The following ABCC4 variants were observed in gnomAD, a reference collection of about 807,000 sequenced individuals.
ABCC4 encodes ATP-binding cassette sub-family C member 4.
A neutral mutation model predicts 168.5 loss-of-function variants in ABCC4; 102 were observed. That is an observed-to-expected ratio of 0.61 (90% CI 0.52 to 0.71). The LOEUF is 0.71. ABCC4 is among the 30% of genes least tolerant of loss of function. The pLI is 0.00. For synonymous variants in ABCC4, 617 were observed against 590.7 expected, an observed-to-expected ratio of 1.04 and a Z score of -0.65; for missense variants, 1,402 against 1,605.8, an observed-to-expected ratio of 0.87 and a Z score of 2.17.
chr13:95,178,577 C>T (rs1336615101), intron 11 of ABCC4, among the ~76,000 whole-genome samples: 1 of 152,182 alleles, frequency 6.6e-6, no homozygotes, highest in Non-Finnish European at 1.5e-5. Context: ...AGGGGATGGA[C>T]TGGCTGGCAC....
chr13:95,265,281 G>GGACTCAA (rs2040639402), intron 1 of ABCC4, among the ~76,000 whole-genome samples: 1 of 152,122 alleles, frequency 6.6e-6, no homozygotes, highest in Admixed American at 6.5e-5. Flanking sequence ...AGGATATACA[G>GGACTCAA]GAGTGGTATG....
chr13:95,138,373 G>C (rs2036205543), intron 19 of ABCC4, among the ~76,000 whole-genome samples: 1 of 152,040 alleles, frequency 6.6e-6, no homozygotes, highest in Admixed American at 6.6e-5. Context: ...CTTGGAACAG[G>C]AACAAACAGT....
intron 10 of ABCC4, among the ~76,000 whole-genome samples, chr13:95,187,475 C>G (rs1389267197): frequency 6.6e-6 from 1 of 152,016 alleles, no homozygotes; most frequent in Non-Finnish European, 1.5e-5. Flanking sequence ...CATGGTGGCA[C>G]GCCTGTAATC....
chr13:95,247,174 T>TA, intron 2 of ABCC4, 79 bp from the exon 3 acceptor site: 3 of 1,488,914 alleles, frequency 2.0e-6, no homozygotes, highest in Non-Finnish European at 1.8e-6. Flanking sequence ...GAGTGACAGG[T>TA]ATGCATTTAA....
At chr13:95,146,918 A>G (rs536660660) in intron 19 of ABCC4, among the ~76,000 whole-genome samples, 1 of 152,356 alleles carries the variant, frequency 6.6e-6, no homozygotes, top group South Asian at 2.1e-4. Flanking sequence ...CTGTCCTACA[A>G]CAGACCTCTA....
At chr13:95,141,301 G>A (rs2036309506) in intron 19 of ABCC4, among the ~76,000 whole-genome samples, 1 of 152,190 alleles carries the variant, frequency 6.6e-6, no homozygotes, top group African/African-American at 2.4e-5. Flanking sequence ...AATGTTCTTA[G>A]ACTGTTTAGG....
intron 4 of ABCC4, among the ~76,000 whole-genome samples, chr13:95,217,919 C>T (rs2039169820): frequency 6.6e-6 from 1 of 152,228 alleles, no homozygotes; most frequent in African/African-American, 2.4e-5. Flanking sequence ...CATCTTGCCC[C>T]TGGCTGTCAG....
In ABCC4 at chr13:95,201,918, A is replaced by T. The variant is rs144000925; in HGVS notation, c.1161+4614T>A. 5.3e-3 allele frequency among the ~76,000 whole-genome samples: 809 copies of T among 152,310 alleles called. 7 individuals carry two copies. Among genetic ancestry groups the T allele is most frequent in the African/African-American group, 0.018 (747 of 41,552 alleles). Reference sequence around the variant, plus strand: ...AACCCGGGAAGTAGAGGTTGCAGTGAGCTGAGATCGTGCCACTGCACTCCA... The same window carrying T: ...AACCCGGGAAGTAGAGGTTGCAGTGTGCTGAGATCGTGCCACTGCACTCCA... On this transcript the variant is annotated intron_variant, in intron 8 of 30. Transcript: ENST00000645237.
intron 1 of ABCC4, among the ~76,000 whole-genome samples, chr13:95,268,555 T>TA (rs1359196176): frequency 2.6e-4 from 40 of 152,126 alleles, no homozygotes; most frequent in African/African-American, 8.9e-4. Context: ...CGTCTCAGTG[T>TA]AAAACCCAAT....
intron 20 of ABCC4, among the ~76,000 whole-genome samples, chr13:95,104,900 G>C (rs1011219086): frequency 1.3e-5 from 2 of 152,200 alleles, no homozygotes; most frequent in African/African-American, 4.8e-5. Context: ...AACCTTTTTG[G>C]CACCAGGGAC....
chr13:95,195,438 C>A (rs1353618070), intron 8 of ABCC4, among the ~76,000 whole-genome samples: 1 of 152,200 alleles, frequency 6.6e-6, no homozygotes, highest in Admixed American at 6.5e-5. Context: ...AAACACAGGG[C>A]AGAGCCTCTG....
intron 14 of ABCC4, among the ~76,000 whole-genome samples, chr13:95,167,151 T>C (rs2037303555): frequency 6.6e-6 from 1 of 151,600 alleles, no homozygotes; most frequent in African/African-American, 2.4e-5. Flanking sequence ...CACTCCAGCC[T>C]GGATGACAAG....
intron 20 of ABCC4, among the ~76,000 whole-genome samples, chr13:95,102,561 G>C (rs1329464571): frequency 6.6e-6 from 1 of 151,964 alleles, no homozygotes; most frequent in Non-Finnish European, 1.5e-5. Context: ...TGGGATTACA[G>C]GCATGGACCA....
chr13:95,061,010 T>A (rs2033269448), intron 26 of ABCC4, among the ~76,000 whole-genome samples: 1 of 152,244 alleles, frequency 6.6e-6, no homozygotes, highest in African/African-American at 2.4e-5. Flanking sequence ...TCTGTCCTTT[T>A]GTGACTGGCT....
chr13:95,052,609 AAAT>A (rs1241176018), intron 27 of ABCC4, among the ~76,000 whole-genome samples: 1 of 152,224 alleles, frequency 6.6e-6, no homozygotes, highest in Admixed American at 6.5e-5. Flanking sequence ...GTTTGCCAAT[AAAT>A]AATTATTATC....
intron 1 of ABCC4, among the ~76,000 whole-genome samples, chr13:95,273,652 C>A (rs2040897221): frequency 6.6e-6 from 1 of 151,876 alleles, no homozygotes; most frequent in South Asian, 2.1e-4. Context: ...ACTGATATGG[C>A]TCTGTGTCCC....
chr13:95,271,624 G>A (rs942303839), intron 1 of ABCC4, among the ~76,000 whole-genome samples: 4 of 152,152 alleles, frequency 2.6e-5, no homozygotes, highest in African/African-American at 7.2e-5. Context: ...TTCAGGAAGC[G>A]GAGAACTTGT....
intron 6 of ABCC4, among the ~76,000 whole-genome samples, chr13:95,208,155 GA>G (rs1428312974): frequency 6.6e-6 from 1 of 152,152 alleles, no homozygotes; most frequent in Non-Finnish European, 1.5e-5. Flanking sequence ...TGCTGAGGAA[GA>G]CATGAAAATG....
At chr13:95,073,411 C>T in intron 23 of ABCC4, 107 bp from the exon 24 acceptor site, 1 of 651,106 alleles carries the variant, frequency 1.5e-6, no homozygotes, top group South Asian at 2.7e-5. Context: ...AAACAATTCA[C>T]ATTTAATGAC....
Sources: allele counts gnomAD v4.1 joint callset (sites outside exome capture counted in the v4.1 genomes callset), GRCh38; gene constraint gnomAD v4.1.1; transcripts MANE v1.5; gene names NCBI Gene and HGNC (gene_info 2026-07-23, HGNC 2026-07-21).